The following BMP1 variants were observed in gnomAD, a reference collection of about 807,000 sequenced individuals.
BMP1 encodes mammalian tolloid protein.
A neutral mutation model predicts 116.8 loss-of-function variants in BMP1; 63 were observed. The ratio of observed to expected loss-of-function variants is 0.54; its 90% CI spans 0.44 to 0.67. The LOEUF (loss-of-function observed/expected upper bound fraction) is 0.67, where lower values mean the gene tolerates loss of function less well. BMP1 is among the 30% of genes least tolerant of loss of function. BMP1 has a pLI of 0.00. For missense variants in BMP1, 1,183 were observed against 1,358.9 expected (o/e 0.87, Z 2.04); for synonymous variants, 536 against 533.4 (o/e 1.00, Z -0.07).
intron 15 of BMP1, chr8:22,199,194 C>A: frequency 7.3e-7 from 1 of 1,367,650 alleles, no homozygotes; most frequent in Non-Finnish European, 9.8e-7. Flanking sequence ...AAGAAACCTG[C>A]AGAGGACCCC....
intron 18 of BMP1, among the ~76,000 whole-genome samples, chr8:22,208,693 C>A (rs895324858): frequency 1.3e-5 from 2 of 152,194 alleles, no homozygotes; most frequent in Non-Finnish European, 2.9e-5. Flanking sequence ...CAGGGGGATG[C>A]CTTGAGTGCC....
At chr8:22,182,911 G>A (rs914965112) in intron 8 of BMP1, among the ~76,000 whole-genome samples, 1 of 152,226 alleles carries the variant, frequency 6.6e-6, no homozygotes, top group African/African-American at 2.4e-5. Flanking sequence ...CCAATGTAGA[G>A]AGGTGCTCAT....
intron 8 of BMP1, 99 bp downstream of exon 8, chr8:22,180,582 C>A: frequency 9.5e-7 from 1 of 1,047,444 alleles, no homozygotes; most frequent in Non-Finnish European, 1.4e-6. Context: ...TGCCAGCGAC[C>A]TACCTGGCTA....
At position 22,176,529 on chromosome 8, in the gene BMP1, G is replaced by A. The variant is rs372410226; in HGVS notation, c.434-4G>A. 129 of 1,613,914 alleles carry A rather than the reference G, an allele frequency of 8.0e-5. 1 individual carries two copies. Among genetic ancestry groups the A allele is most frequent in the Non-Finnish European group, 9.5e-5 (112 of 1,179,938 alleles). The stretch of plus-strand genomic sequence containing the variant: ...TGGCAACCTGGCTTCCTTCCTCCTG[G>A]CAGGTAGCCAGAGGGCAGTCTTCCG... On this transcript the variant is annotated splice_region_variant and splice_polypyrimidine_tract_variant and intron_variant, in intron 3 of 19. Transcript: ENST00000306385.
intron 1 of BMP1, among the ~76,000 whole-genome samples, chr8:22,171,911 G>C (rs540687489): frequency 6.6e-6 from 1 of 152,170 alleles, no homozygotes; most frequent in African/African-American, 2.4e-5. Context: ...AGTGCCTCCC[G>C]CCTGAAAGTG....
intron 4 of BMP1, 87 bp downstream of exon 4, chr8:22,176,737 C>G: frequency 6.9e-7 from 1 of 1,439,740 alleles, no homozygotes; most frequent in South Asian, 1.2e-5. Context: ...CCCAGCTGGG[C>G]ACAGCCTTGG....
At chr8:22,189,850 A>C (rs2131873717) in intron 8 of BMP1, among the ~76,000 whole-genome samples, 1 of 152,346 alleles carries the variant, frequency 6.6e-6, no homozygotes, top group Admixed American at 6.5e-5. Context: ...GCCAGGACTT[A>C]TAATAGTAAC....
At chr8:22,210,442 TTTCC>T (rs1829442294) in intron 19 of BMP1, among the ~76,000 whole-genome samples, 11 of 121,758 alleles carry the variant, frequency 9.0e-5, no homozygotes, top group Admixed American at 3.1e-4. Flanking sequence ...TCTCTCTCTC[TTTCC>T]CTCTCTCTCT....
At chr8:22,197,793 G>A (rs943974947) in intron 15 of BMP1, among the ~76,000 whole-genome samples, 2 of 152,220 alleles carry the variant, frequency 1.3e-5, no homozygotes, top group African/African-American at 2.4e-5. Flanking sequence ...GGAGAGACAG[G>A]TGTTTGCCTT....
intron 1 of BMP1, among the ~76,000 whole-genome samples, chr8:22,168,715 A>G (rs1828188839): frequency 1.3e-5 from 2 of 152,034 alleles, no homozygotes; most frequent in Non-Finnish European, 2.9e-5. Flanking sequence ...ACCAGACCAC[A>G]TTCCCCCTCT....
chr8:22,173,790 T>C, intron 2 of BMP1, 75 bp downstream of exon 2: 1 of 1,242,220 alleles, frequency 8.1e-7, no homozygotes, highest in South Asian at 1.5e-5. Flanking sequence ...AATCTCCCTG[T>C]TCCCAGCCAG....
intron 16 of BMP1, among the ~76,000 whole-genome samples, chr8:22,205,896 A>T (rs1278438031): frequency 6.6e-6 from 1 of 152,226 alleles, no homozygotes; most frequent in East Asian, 1.9e-4. Flanking sequence ...GTGAAGAAAC[A>T]GTGGATGATG....
intron 15 of BMP1, chr8:22,201,330 G>A (rs909530075): frequency 5.3e-5 from 79 of 1,500,182 alleles, no homozygotes; most frequent in African/African-American, 7.0e-5. Context: ...CCCTCTGGCC[G>A]GACAGAACTG....
At chr8:22,205,286 A>G (rs1191572719) in intron 16 of BMP1, among the ~76,000 whole-genome samples, 1 of 152,136 alleles carries the variant, frequency 6.6e-6, no homozygotes, top group East Asian at 1.9e-4. Flanking sequence ...AAGAGTATCA[A>G]GTGGTCTGGG....
At chr8:22,181,232 C>T (rs1370661927) in intron 8 of BMP1, among the ~76,000 whole-genome samples, 1 of 152,228 alleles carries the variant, frequency 6.6e-6, no homozygotes, top group Non-Finnish European at 1.5e-5. Context: ...GAAAGCTCAG[C>T]TCCACCTTCT....
rs1829385106 is a variant in BMP1 at position 22,207,507 on chromosome 8, C to T, written c.2566C>T (p.His856Tyr). ...SVQRKGFQAS[H>Y]ATECGGQVRA... Reference sequence around the variant, plus strand: ...CCAGCGAAAGGGCTTCCAGGCCTCCCACGCCACAGGTACTGTCCCCGGTTG... The same window carrying T: ...CCAGCGAAAGGGCTTCCAGGCCTCCTACGCCACAGGTACTGTCCCCGGTTG... The change falls in exon 18 of 20, where the codon CAC becomes TAC. Residue 856 changes from histidine (H) to tyrosine (Y), a missense_variant. His to Tyr is a moderately conservative substitution (Grantham distance 83). Transcript: ENST00000306385. 1 of 1,613,348 alleles carries T rather than the reference C, an allele frequency of 6.2e-7. No individual in the cohort carries two copies. Among genetic ancestry groups the T allele is most frequent in the African/African-American group, 1.3e-5 (1 of 75,074 alleles).
chr8:22,201,567 C>T, intron 15 of BMP1: 1 of 1,403,856 alleles, frequency 7.1e-7, no homozygotes, highest in Non-Finnish European at 9.3e-7. Context: ...CCGCTCGGAC[C>T]CCCATCCTCC....
intron 6 of BMP1, 74 bp downstream of exon 6, chr8:22,178,031 G>C (rs1828504728): frequency 8.1e-7 from 1 of 1,229,388 alleles, no homozygotes; most frequent in Admixed American, 2.1e-5. Flanking sequence ...TTCTCCTCCT[G>C]CCTCCCACTT....
chr8:22,173,713 C>T lies in BMP1; in HGVS notation c.260C>T (p.Ala87Val), dbSNP rs182752138. Residue 87 changes from alanine (A) to valine (V), a missense_variant and splice_region_variant, in exon 2 of 20, where the codon GCA becomes GTA. By Grantham distance (64) the Ala-to-Val change is moderately conservative. This residue lies in a region of BMP1 where 185 missense variants were observed against 158.9 expected (regional missense o/e 1.16). Coordinates refer to ENST00000306385, the MANE Select transcript of BMP1 (RefSeq NM_006129.5). Reference protein sequence around the residue: ...HTARKSSIKAAVPGNTSTPSC... With the variant: ...HTARKSSIKAVVPGNTSTPSC... ...GCTCGTAAGTCCTCCATCAAAGCTGCAGGTAAGCCGGGTGCCAATGGGCCC... is the reference window on the plus strand; with the variant it reads ...GCTCGTAAGTCCTCCATCAAAGCTGTAGGTAAGCCGGGTGCCAATGGGCCC... The T allele has an allele frequency of 9.3e-6, 15 of 1,609,018 alleles. No individual in the cohort carries two copies. The East Asian group carries it at 3.4e-4, about 36-fold the overall frequency.
Sources: allele counts gnomAD v4.1 joint callset (sites outside exome capture counted in the v4.1 genomes callset), GRCh38; gene constraint gnomAD v4.1.1; regional missense constraint gnomAD v4.1.1; transcripts MANE v1.5; gene names NCBI Gene and HGNC (gene_info 2026-07-23, HGNC 2026-07-21).